Variants in PDE10A observed in about 807,000 individuals in gnomAD.
PDE10A encodes phosphodiesterase 10A.
In PDE10A, 39 loss-of-function variants were observed where a neutral mutation model predicts 97.7. The observed-to-expected ratio is 0.40, with a 90% CI of 0.31 to 0.52. The LOEUF (loss-of-function observed/expected upper bound fraction) is 0.52, where lower values mean the gene tolerates loss of function less well. Among genes scored for constraint, PDE10A ranks in the 20% least tolerant of loss-of-function variants. The probability of loss-of-function intolerance (pLI) is 0.56; values close to 1 mark genes in which losing one functional copy is unlikely to be tolerated. For missense variants in PDE10A, 731 were observed against 1,047.8 expected (o/e 0.70, Z 4.17); for synonymous variants, 371 against 376.8 (o/e 0.98, Z 0.18).
chr6:165,811,864 A>C (rs1029990952), intron 1 of PDE10A, among the ~76,000 whole-genome samples: 1 of 148,620 alleles, frequency 6.7e-6, no homozygotes, highest in Non-Finnish European at 1.5e-5. Context: ...TTATTTTTTT[A>C]TTTTTTTGAG....
intron 2 of PDE10A, among the ~76,000 whole-genome samples, chr6:165,490,309 C>A (rs1780155165): frequency 6.6e-6 from 1 of 152,156 alleles, no homozygotes; most frequent in African/African-American, 2.4e-5. Flanking sequence ...TTAAACAAAA[C>A]AATTATCAGC....
At chr6:165,857,920 G>A (rs1472146593) in intron 1 of PDE10A, among the ~76,000 whole-genome samples, 3 of 152,146 alleles carry the variant, frequency 2.0e-5, no homozygotes, top group South Asian at 2.1e-4. Flanking sequence ...ACTAGGGTTG[G>A]CATTGCCAAA....
chr6:165,930,104 G>A (rs1783084734), intron 1 of PDE10A, among the ~76,000 whole-genome samples: 1 of 148,856 alleles, frequency 6.7e-6, no homozygotes, highest in African/African-American at 2.5e-5. Flanking sequence ...AGAAATGAGG[G>A]TGGCAGCTGG....
At chr6:165,535,892 C>T (rs1405654361) in intron 2 of PDE10A, among the ~76,000 whole-genome samples, 1 of 151,884 alleles carries the variant, frequency 6.6e-6, no homozygotes, top group African/African-American at 2.4e-5. Flanking sequence ...AATGTCCATA[C>T]TACCCAAAGC....
chr6:165,732,644 C>T (rs1792467589), intron 1 of PDE10A, among the ~76,000 whole-genome samples: 1 of 152,228 alleles, frequency 6.6e-6, no homozygotes, highest in Non-Finnish European at 1.5e-5. Flanking sequence ...AAGTTACACT[C>T]CTCACACTTT....
At chr6:165,603,995 T>C (rs771510287) in intron 1 of PDE10A, among the ~76,000 whole-genome samples, 7 of 152,134 alleles carry the variant, frequency 4.6e-5, no homozygotes, top group Admixed American at 1.3e-4. Context: ...CTAGGACACA[T>C]AGAAAGTGTA....
intron 1 of PDE10A, among the ~76,000 whole-genome samples, chr6:165,911,320 G>T (rs1041753018): frequency 5.9e-5 from 9 of 152,106 alleles, no homozygotes; most frequent in African/African-American, 2.2e-4. Flanking sequence ...TCCCCAAAGG[G>T]CAGCATTCCT....
chr6:165,807,002 A>G (rs1779160414), intron 1 of PDE10A, among the ~76,000 whole-genome samples: 1 of 152,236 alleles, frequency 6.6e-6, no homozygotes, highest in South Asian at 2.1e-4. Context: ...GGCCAGAAAC[A>G]GGGGTAATGT....
intron 1 of PDE10A, among the ~76,000 whole-genome samples, chr6:165,763,448 C>A (rs1338975450): frequency 6.6e-6 from 1 of 152,078 alleles, no homozygotes; most frequent in Non-Finnish European, 1.5e-5. Context: ...TCAGCCCCCC[C>A]AGTAGCCGGG....
chr6:165,956,286 T>G lies in PDE10A; in HGVS notation c.-615+31243A>C, dbSNP rs151201980. Among the ~76,000 whole-genome samples the G allele has an allele frequency of 9.7e-3, 1,477 of 152,310 alleles. 20 individuals carry two copies. Among genetic ancestry groups the G allele is most frequent in the Middle Eastern group, 0.044 (13 of 294 alleles). On this transcript the variant is annotated intron_variant, in intron 1 of 19. Transcript: ENST00000366882. The stretch of plus-strand genomic sequence containing the variant: ...AAATACTATTATTTATTTCTCCACT[T>G]TTTTGAAGAGTTCAAGAGAAGGAAT...
At chr6:165,423,240 A>G (rs1262994854) in intron 10 of PDE10A, among the ~76,000 whole-genome samples, 1 of 152,226 alleles carries the variant, frequency 6.6e-6, no homozygotes, top group African/African-American at 2.4e-5. Context: ...CTGAGCCAGT[A>G]AATCCTCTCT....
chr6:165,380,519 G>C (rs188334028), intron 17 of PDE10A, among the ~76,000 whole-genome samples: 1 of 152,170 alleles, frequency 6.6e-6, no homozygotes, highest in Non-Finnish European at 1.5e-5. Flanking sequence ...ATGGACTCAG[G>C]TCTAGTTATT....
chr6:165,482,879 G>A (rs1425938814), intron 2 of PDE10A, among the ~76,000 whole-genome samples: 1 of 152,178 alleles, frequency 6.6e-6, no homozygotes, highest in African/African-American at 2.4e-5. Context: ...TTGTGGGGTT[G>A]TTTATACCAG....
intron 1 of PDE10A, among the ~76,000 whole-genome samples, chr6:165,973,753 G>A (rs1208613341): frequency 1.3e-5 from 2 of 152,206 alleles, no homozygotes; most frequent in Admixed American, 1.3e-4. Context: ...CCAGACAGAT[G>A]TGAAATGGCT....
chr6:165,549,783 T>A (rs1019395727), intron 1 of PDE10A, among the ~76,000 whole-genome samples: 2 of 152,202 alleles, frequency 1.3e-5, no homozygotes. Flanking sequence ...TGAAGTCTCA[T>A]CACCTTAATA....
intron 2 of PDE10A, among the ~76,000 whole-genome samples, chr6:165,506,850 ACAAT>A (rs943081090): frequency 1.8e-4 from 27 of 152,270 alleles, no homozygotes; most frequent in African/African-American, 6.5e-4. Flanking sequence ...TACTGCCATA[ACAAT>A]CAAAGACTTA....
intron 1 of PDE10A, among the ~76,000 whole-genome samples, chr6:165,817,675 G>T (rs1227106113): frequency 6.6e-6 from 1 of 152,160 alleles, no homozygotes; most frequent in African/African-American, 2.4e-5. Flanking sequence ...AGCCGAGCAG[G>T]GTGTCAGGGG....
intron 1 of PDE10A, among the ~76,000 whole-genome samples, chr6:165,576,908 C>T (rs1476500250): frequency 6.6e-6 from 1 of 152,224 alleles, no homozygotes; most frequent in African/African-American, 2.4e-5. Flanking sequence ...TCCCAATTTG[C>T]TACATCAGTC....
intron 5 of PDE10A, among the ~76,000 whole-genome samples, chr6:165,435,931 C>G (rs1345379926): frequency 6.6e-6 from 1 of 152,112 alleles, no homozygotes; most frequent in Non-Finnish European, 1.5e-5. Flanking sequence ...GTTCTCTGAG[C>G]AAAAATCTTG....
Sources: gnomAD v4.1 joint callset for allele counts (sites outside exome capture counted in the v4.1 genomes callset) on GRCh38, gnomAD v4.1.1 for gene constraint, MANE v1.5 for transcripts, NCBI Gene and HGNC (gene_info 2026-07-23, HGNC 2026-07-21) for gene names.